Variants in DNAH17 observed in about 807,000 individuals in gnomAD.
DNAH17 encodes the protein axonemal beta dynein heavy chain 17.
In DNAH17, 376 loss-of-function variants were observed where a neutral mutation model predicts 485.6. The ratio of observed to expected loss-of-function variants is 0.77; its 90% CI spans 0.71 to 0.84. The LOEUF (loss-of-function observed/expected upper bound fraction) is 0.84. Ranked by LOEUF, DNAH17 falls within the 40% of genes least tolerant of loss-of-function variation. The pLI is 0.00. For synonymous variants in DNAH17, 3,031 were observed against 2,405.9 expected, an observed-to-expected ratio of 1.26 and a Z score of -7.60; for missense variants, 6,370 against 5,839.3, an observed-to-expected ratio of 1.09 and a Z score of -2.96.
rs66596656 is a variant in DNAH17 at position 78,504,894 on chromosome 17, C to CTTTTTTT, written c.4956+392_4956+398dup. Reference sequence around the variant, plus strand: ...AAAGGATTCAATGATATTAACAGGGCTTTTTTTTTTTTTTTTTTTTTTTTT... The same window carrying CTTTTTTT: ...AAAGGATTCAATGATATTAACAGGGCTTTTTTTTTTTTTTTTTTTTTTTTTTTTTTTT... On this transcript the variant is annotated intron_variant, in intron 31 of 80. Coordinates refer to ENST00000389840, the MANE Select transcript of DNAH17 (RefSeq NM_173628.4). Among the ~76,000 whole-genome samples, 10 of 58,970 alleles carry CTTTTTTT rather than the reference C, an allele frequency of 1.7e-4. 1 individual carries two copies. Among genetic ancestry groups the CTTTTTTT allele is most frequent in the African/African-American group, 7.0e-4 (10 of 14,224 alleles). The allele number at this position is 58,970 out of a possible 152,430, so 38.7% of individuals were successfully genotyped here.
intron 19 of DNAH17, among the ~76,000 whole-genome samples, chr17:78,536,514 T>C (rs182563430): frequency 1.6e-4 from 24 of 151,958 alleles, no homozygotes; most frequent in East Asian, 1.4e-3. Flanking sequence ...ACCCCATCTC[T>C]ACAAAAAAAT....
At chr17:78,440,975 G>T in intron 72 of DNAH17, 76 bp downstream of exon 72, 1 of 1,522,260 alleles carries the variant, frequency 6.6e-7, no homozygotes, top group Non-Finnish European at 8.9e-7. Context: ...ATGTGCTTTT[G>T]GTGTGCATTT....
intron 73 of DNAH17, among the ~76,000 whole-genome samples, chr17:78,438,162 G>A (rs1443656325): frequency 6.6e-6 from 1 of 151,804 alleles, no homozygotes; most frequent in Non-Finnish European, 1.5e-5. Context: ...ATAAGGCTGA[G>A]ATTCTGTGGT....
chr17:78,485,074 G>C (rs763844788), intron 47 of DNAH17, 41 bp from the exon 48 acceptor site: 5 of 1,556,910 alleles, frequency 3.2e-6, no homozygotes, highest in Non-Finnish European at 3.5e-6. Flanking sequence ...TGCGCCTCCT[G>C]AGCCAGAGCC....
intron 56 of DNAH17, among the ~76,000 whole-genome samples, chr17:78,465,888 T>C (rs1233275369): frequency 1.3e-5 from 2 of 151,346 alleles, no homozygotes; most frequent in Non-Finnish European, 3.0e-5. Context: ...TACTGGGAAG[T>C]GAGGAGCCCC....
At chr17:78,456,596 G>A (rs188499341) in intron 62 of DNAH17, among the ~76,000 whole-genome samples, 9 of 152,278 alleles carry the variant, frequency 5.9e-5, no homozygotes, top group Admixed American at 2.0e-4. Flanking sequence ...TCCACGATGC[G>A]CCTCGTGCTT....
chr17:78,460,355 C>CATGTGTGTGCATGTGTGTGT, intron 58 of DNAH17, 98 bp from the exon 59 acceptor site: 1 of 1,019,310 alleles, frequency 9.8e-7, no homozygotes, highest in African/African-American at 1.6e-5. Context: ...CATGTGTGTG[C>CATGTGTGTGCATGTGTGTGT]ATGTATGCAC....
intron 25 of DNAH17, chr17:78,522,505 C>T (rs982995447): frequency 3.0e-6 from 1 of 334,428 alleles, no homozygotes; most frequent in Non-Finnish European, 6.0e-6. Context: ...AGGGGCCTCA[C>T]GAGGAGGGAC....
At chr17:78,539,607 A>G (rs1257598826) in intron 18 of DNAH17, 130 bp downstream of exon 18, 2 of 856,028 alleles carry the variant, frequency 2.3e-6, no homozygotes, top group African/African-American at 3.5e-5. Flanking sequence ...GGTCAAGTAG[A>G]TTGCATAAGA....
At chr17:78,489,246 A>C (rs917127996) in intron 44 of DNAH17, 1 of 152,318 alleles carries the variant, frequency 6.6e-6, no homozygotes, top group Admixed American at 6.5e-5. Flanking sequence ...CACCAGCATG[A>C]ACTCCGGAAA....
intron 11 of DNAH17, 148 bp downstream of exon 11, chr17:78,566,466 G>A (rs2092267610): frequency 1.6e-6 from 1 of 623,218 alleles, no homozygotes; most frequent in Non-Finnish European, 2.8e-6. Context: ...ACGGCTGACT[G>A]ACTCTGAGGC....
chr17:78,510,377 G>A lies in DNAH17; in HGVS notation c.4236+7C>T, dbSNP rs184775654. On this transcript the variant is annotated splice_region_variant and intron_variant, in intron 27 of 80. Transcript: ENST00000389840. ...GTTGCACAGACAGCACCGCCAGCAC[G>A]GCCTACCTTTTCCATGCCCGACTCC... The A allele has an allele frequency of 9.9e-6, 16 of 1,611,706 alleles. No individual in the cohort carries two copies. The highest frequency in any genetic ancestry group is 8.9e-5 in the East Asian group (4 of 44,852).
intron 47 of DNAH17, 92 bp downstream of exon 47, chr17:78,485,458 G>A (rs909951654): frequency 1.6e-4 from 206 of 1,250,306 alleles, no homozygotes; most frequent in Non-Finnish European, 2.1e-4. Context: ...AGTGGCTAGT[G>A]AGTGCCTGGG....
Position 78,494,592 on chromosome 17 carries a change from C to T in DNAH17, c.6270+1G>A. 6.2e-7 allele frequency: 1 copy of T among 1,613,542 alleles called. No individual in the cohort carries two copies. The highest frequency in any genetic ancestry group is 8.5e-7 in the Non-Finnish European group (1 of 1,179,848). ...CAGACCTGAGACCCAGGAGTCCCGA[C>T]CTTTTCAAAATTCAGGTCCCGTTTC... On this transcript the variant is annotated splice_donor_variant, in intron 40 of 80. Transcript: ENST00000389840. LOFTEE classifies it high-confidence loss of function.
intron 73 of DNAH17, among the ~76,000 whole-genome samples, chr17:78,438,237 G>A (rs963194827): frequency 6.6e-6 from 1 of 151,246 alleles, no homozygotes; most frequent in African/African-American, 2.4e-5. Flanking sequence ...GTGGATTGAG[G>A]TCGACACACA....
intron 19 of DNAH17, among the ~76,000 whole-genome samples, chr17:78,536,947 G>T (rs146621304): frequency 6.6e-6 from 1 of 151,950 alleles, no homozygotes; most frequent in African/African-American, 2.4e-5. Flanking sequence ...AGGCCGAGGC[G>T]GGTGGATCAT....
intron 16 of DNAH17, among the ~76,000 whole-genome samples, chr17:78,545,551 A>T (rs945358383): frequency 6.6e-6 from 1 of 152,110 alleles, no homozygotes; most frequent in African/African-American, 2.4e-5. Flanking sequence ...TGTTGCTATA[A>T]GGGCACGAAT....
Position 78,486,376 on chromosome 17 carries a change from G to A in DNAH17, c.6949C>T (p.Pro2317Ser), listed in dbSNP as rs2089610089. 2 of 1,613,738 alleles carry A rather than the reference G, an allele frequency of 1.2e-6. No individual in the cohort carries two copies. Among genetic ancestry groups the A allele is most frequent in the South Asian group, 1.1e-5 (1 of 91,084 alleles). Residue 2317 changes from proline (P) to serine (S), a missense_variant, in exon 45 of 81, where the codon CCG (proline) becomes TCG (serine). Coordinates refer to ENST00000389840, the MANE Select transcript of DNAH17 (RefSeq NM_173628.4). Reference sequence around the variant, plus strand: ...ATCGTTTGGATCACCGTGATCTCCGGCACTGGCGTGATCTTCTTGAACCCA... The same window carrying A: ...ATCGTTTGGATCACCGTGATCTCCGACACTGGCGTGATCTTCTTGAACCCA... Reference protein sequence around the residue: ...RFGFKKITPVPEITVIQTILY... With the variant: ...RFGFKKITPVSEITVIQTILY...
chr17:78,459,147 C>T lies in DNAH17; in HGVS notation c.9715G>A (p.Ala3239Thr), dbSNP rs142984629. ...EFIRSKSTAA[A>T]GLCSWCINIV... ...TTGATGCACCAGGAGCACAGGCCGG[C>T]GGCGGCCGTGGACTTGGAGCGGATG... is the stretch of plus-strand genomic sequence containing the variant. Residue 3239 changes from alanine (A) to threonine (T), a missense_variant, in exon 61 of 81, where the codon GCC becomes ACC. Physicochemically the swap from Ala to Thr is moderately conservative, Grantham distance 58 (BLOSUM62 0). Transcript: ENST00000389840. 1.2e-5 allele frequency: 20 copies of T among 1,613,850 alleles called. No individual in the cohort carries two copies. Among genetic ancestry groups the T allele is most frequent in the Non-Finnish European group, 1.6e-5 (19 of 1,179,900 alleles).
Sources: gnomAD v4.1 joint callset for allele counts (sites outside exome capture counted in the v4.1 genomes callset) on GRCh38, gnomAD v4.1.1 for gene constraint, MANE v1.5 for transcripts, NCBI Gene and HGNC (gene_info 2026-07-23, HGNC 2026-07-21) for gene names.